Variants in TOGARAM2 observed in about 807,000 individuals in gnomAD.
The protein encoded by TOGARAM2 is TOG array regulator of axonemal microtubules 2, also known as TOG array regulator of axonemal microtubules protein 2.
TOGARAM2 carries 85 observed loss-of-function variants against 93.3 expected under a neutral mutation model. The observed-to-expected ratio is 0.91, with a 90% CI of 0.76 to 1.09. The LOEUF (loss-of-function observed/expected upper bound fraction) is 1.09, where lower values mean the gene tolerates loss of function less well. TOGARAM2 is among the 50% of genes least tolerant of loss of function. The pLI is 0.00. For missense variants in TOGARAM2, 1,277 were observed against 1,334.5 expected, an observed-to-expected ratio of 0.96 and a Z score of 0.67; for synonymous variants, 593 against 552.8, an observed-to-expected ratio of 1.07 and a Z score of -1.02.
At chr2:28,961,067 G>C (rs896867035) in intron 1 of TOGARAM2, among the ~76,000 whole-genome samples, 2 of 152,138 alleles carry the variant, frequency 1.3e-5, no homozygotes, top group Non-Finnish European at 2.9e-5. Flanking sequence ...TGGCTTGGCA[G>C]AGTTGGTGCA....
rs903461954 is a variant in TOGARAM2 at position 29,035,541 on chromosome 2, G to A, written c.2303G>A (p.Arg768Gln). 1.5e-5 allele frequency: 24 copies of A among 1,578,762 alleles called. No homozygotes were observed. The highest frequency in any genetic ancestry group is 8.2e-5 in the South Asian group (7 of 85,084). The change falls in exon 17 of 20, where the codon CGG (arginine) becomes CAG (glutamine). Residue 768 changes from arginine (R) to glutamine (Q), a missense_variant. Transcript: ENST00000379558. ...QGRGEMVEQL[R>Q]ELTRLLEAKD... The stretch of plus-strand genomic sequence containing the variant: ...CGCGGGGAGATGGTGGAGCAGCTAC[G>A]GGAGCTGACACGGCTGCTGGAGGCC...
intron 1 of TOGARAM2, among the ~76,000 whole-genome samples, chr2:28,958,240 C>T (rs1365393932): frequency 2.0e-5 from 3 of 151,428 alleles, no homozygotes; most frequent in Non-Finnish European, 2.9e-5. Flanking sequence ...GAGTGGAGAG[C>T]GTATGGCAAA....
chr2:29,005,054 ATGTG>A lies in TOGARAM2; in HGVS notation c.830+1377_830+1380del, dbSNP rs1186883214. Among the ~76,000 whole-genome samples, 2 of 15,466 alleles carry A rather than the reference ATGTG, an allele frequency of 1.3e-4. 1 individual carries two copies. The highest frequency in any genetic ancestry group is 1.9e-3 in the Admixed American group (2 of 1,066). 10.1% of individuals were successfully genotyped at this position (15,466 alleles called of 152,430 possible). On this transcript the variant is annotated intron_variant, in intron 6 of 19. Transcript: ENST00000379558. ...TGTGAGTGCATGTGTGTGCATGTGTATGTGTGTGAGTGCATGTGTGTGCATGTGT... is the reference window on the plus strand; with the variant it reads ...TGTGAGTGCATGTGTGTGCATGTGTATGTGAGTGCATGTGTGTGCATGTGT...
chr2:29,036,935 G>A (rs1666150120), intron 18 of TOGARAM2, among the ~76,000 whole-genome samples, 178 bp downstream of exon 18: 1 of 152,136 alleles, frequency 6.6e-6, no homozygotes, highest in African/African-American at 2.4e-5. Flanking sequence ...GCTTTTCTAT[G>A]TCACAGCCAC....
intron 1 of TOGARAM2, among the ~76,000 whole-genome samples, chr2:28,963,947 C>T (rs2148215613): frequency 6.6e-6 from 1 of 152,202 alleles, no homozygotes; most frequent in Non-Finnish European, 1.5e-5. Context: ...GTGGAGGTTG[C>T]AGTAAGCCAA....
intron 8 of TOGARAM2, among the ~76,000 whole-genome samples, chr2:29,016,073 G>A (rs909825813): frequency 1.3e-5 from 2 of 152,116 alleles, no homozygotes; most frequent in African/African-American, 4.8e-5. Flanking sequence ...AACTGACTGT[G>A]TCTAAAACTC....
intron 1 of TOGARAM2, among the ~76,000 whole-genome samples, chr2:28,973,441 C>CTT (rs1558394766): frequency 0.022 from 874 of 38,884 alleles, 19 homozygotes; most frequent in African/African-American, 0.065. Flanking sequence ...CCTTCCCTTC[C>CTT]CCTTCCTTCC....
rs1291816622 is a variant in TOGARAM2 at position 29,036,684 on chromosome 2, C to A, written c.2562C>A (p.Asp854Glu). Residue 854 changes from aspartate to glutamate, a missense_variant, in exon 18 of 20, where the codon GAC becomes GAA. Physicochemically the swap from Asp to Glu is conservative, Grantham distance 45. Coordinates refer to ENST00000379558, the MANE Select transcript of TOGARAM2 (RefSeq NM_199280.4). ...MLLSIIITVA[D>E]NLNSKNSGIY... ...TCTCCATCATCATCACTGTTGCAGA[C>A]AACCTCAACTCCAAGAACTCAGGGA... is the stretch of plus-strand genomic sequence containing the variant. 2 of 1,613,902 alleles carry A rather than the reference C, an allele frequency of 1.2e-6. No individual in the cohort carries two copies. The highest frequency in any genetic ancestry group is 1.7e-6 in the Non-Finnish European group (2 of 1,179,902).
chr2:29,006,019 T>A (rs956905573), intron 6 of TOGARAM2, among the ~76,000 whole-genome samples: 13 of 110,488 alleles, frequency 1.2e-4, no homozygotes, highest in African/African-American at 3.1e-4. Flanking sequence ...CGTGTGTGTG[T>A]GAGACCATAT....
intron 4 of TOGARAM2, among the ~76,000 whole-genome samples, chr2:29,001,411 T>A (rs1487507038): frequency 6.6e-6 from 1 of 151,940 alleles, no homozygotes; most frequent in Non-Finnish European, 1.5e-5. Context: ...GGTGCGATTT[T>A]GGCTCACTGC....
intron 18 of TOGARAM2, among the ~76,000 whole-genome samples, chr2:29,040,230 T>G (rs191090089): frequency 6.6e-6 from 1 of 152,330 alleles, no homozygotes; most frequent in Admixed American, 6.5e-5. Context: ...CTTCTTTCAT[T>G]TAACACTACC....
intron 11 of TOGARAM2, 36 bp downstream of exon 11, chr2:29,022,344 C>A: frequency 6.2e-7 from 1 of 1,609,396 alleles, no homozygotes; most frequent in Non-Finnish European, 8.5e-7. Context: ...TGTGTTCTGG[C>A]CGGAAGCAGG....
chr2:28,976,795 A>G (rs1206742558), upstream of TOGARAM2, among the ~76,000 whole-genome samples: 1 of 152,228 alleles, frequency 6.6e-6, no homozygotes, highest in African/African-American at 2.4e-5. Context: ...CCCAGGGAAC[A>G]CGTCAGCCCA....
At chr2:29,035,360 T>C (rs1666026144) in intron 16 of TOGARAM2, 104 bp from the exon 17 acceptor site, 1 of 1,097,502 alleles carries the variant, frequency 9.1e-7, no homozygotes, top group African/African-American at 1.6e-5. Context: ...GGTGACACTC[T>C]TGTCTCTGCC....
Position 29,003,631 on chromosome 2 carries a change from C to T in TOGARAM2, c.779C>T (p.Pro260Leu), listed in dbSNP as rs768736776. 2.5e-5 allele frequency: 40 copies of T among 1,593,690 alleles called. No individual in the cohort carries two copies. The East Asian group carries it at 8.2e-4, about 33-fold the overall frequency. ...CGTGTGCCTGGCTCCCTTCCCAGCC[C>T]GTTACCTCCAGGCCAGGGAGTCCTC... is the stretch of plus-strand genomic sequence containing the variant. ...PSRVPGSLPS[P>L]LPPGQGVLTG... The change falls in exon 6 of 20, where the codon CCG (proline) becomes CTG (leucine). Residue 260 changes from proline to leucine, a missense_variant. By Grantham distance (98) the Pro-to-Leu change is moderately conservative (BLOSUM62 -3). Transcript: ENST00000379558.
rs1166926617 is a variant in TOGARAM2, at chr2:29,051,693, G to A, written c.2723-63G>A. 1.4e-5 allele frequency: 19 copies of A among 1,369,014 alleles called. 1 individual carries two copies. The South Asian group carries it at 2.8e-4, about 20-fold the overall frequency. The allele number at this position is 1,369,014 out of a possible 1,614,324, so 84.8% of individuals were successfully genotyped here. On this transcript the variant is annotated intron_variant, in intron 19 of 19. Coordinates refer to ENST00000379558, the MANE Select transcript of TOGARAM2 (RefSeq NM_199280.4). ...TTGGGGGACAAAGTTGGTGTCCCAA[G>A]AGAGGGAAGTGGGAGAGGGAGAGAG... is the stretch of plus-strand genomic sequence containing the variant.
intron 6 of TOGARAM2, among the ~76,000 whole-genome samples, chr2:29,005,994 G>GTGTGTGTGCAC (rs1572686417): frequency 1.0e-4 from 3 of 29,204 alleles, no homozygotes; most frequent in Admixed American, 8.2e-4. Flanking sequence ...TGCATGTGTA[G>GTGTGTGTGCAC]GGTGTGTATG....
At chr2:29,012,424 C>T (rs1328387618) in intron 7 of TOGARAM2, among the ~76,000 whole-genome samples, 2 of 152,224 alleles carry the variant, frequency 1.3e-5, no homozygotes, top group Non-Finnish European at 2.9e-5. Context: ...CTCCCCTGCT[C>T]CCGGGCCAGG....
chr2:28,984,331 C>T (rs1672368096), intron 1 of TOGARAM2, among the ~76,000 whole-genome samples: 1 of 152,238 alleles, frequency 6.6e-6, no homozygotes, highest in Non-Finnish European at 1.5e-5. Flanking sequence ...AAAACTCTGG[C>T]TCCTATTCAA....
Sources: allele counts gnomAD v4.1 joint callset (sites outside exome capture counted in the v4.1 genomes callset), GRCh38; gene constraint gnomAD v4.1.1; transcripts MANE v1.5; gene names NCBI Gene and HGNC (gene_info 2026-07-23, HGNC 2026-07-21).